CERS3: variants seen among roughly 807,000 people sequenced by gnomAD.
CERS3 encodes ceramide synthase 3.
A neutral mutation model predicts 50.3 loss-of-function variants in CERS3; 33 were observed. That is an observed-to-expected ratio of 0.66 (90% CI 0.50 to 0.88). The LOEUF (loss-of-function observed/expected upper bound fraction) is 0.88, where lower values mean the gene tolerates loss of function less well. CERS3 is among the 40% of genes least tolerant of loss of function. The pLI is 0.00. For synonymous variants in CERS3, 176 were observed against 155.2 expected, an observed-to-expected ratio of 1.13 and a Z score of -0.99; for missense variants, 470 against 460.3, an observed-to-expected ratio of 1.02 and a Z score of -0.19.
chr15:100,504,274 G>A (rs925584728), intron 2 of CERS3, among the ~76,000 whole-genome samples: 4 of 126,150 alleles, frequency 3.2e-5, no homozygotes, highest in East Asian at 2.2e-4. Context: ...ATGGAGTTTC[G>A]CTCCTGTTGC....
chr15:100,477,004 G>A (rs67396075), intron 7 of CERS3, among the ~76,000 whole-genome samples: 14,167 of 152,184 alleles, frequency 0.093, 898 homozygotes, highest in African/African-American at 0.19. Context: ...TATGAATGAC[G>A]TCACCATAGA....
intron 5 of CERS3, among the ~76,000 whole-genome samples, chr15:100,481,065 A>T (rs547073906): frequency 1.2e-4 from 19 of 152,222 alleles, no homozygotes; most frequent in Non-Finnish European, 2.4e-4. Context: ...ATGTTTTCTT[A>T]TCTTTGTGTA....
At chr15:100,486,258 C>T (rs2587770) in intron 4 of CERS3, among the ~76,000 whole-genome samples, 147,260 of 152,308 alleles carry the variant, frequency 0.97, 71,377 homozygotes, top group East Asian at 1. Flanking sequence ...GATTATCTTA[C>T]ATGTTCCCTT....
intron 5 of CERS3, among the ~76,000 whole-genome samples, chr15:100,483,787 A>ATTATTATTTTTTTTTTTTT (rs760594142): frequency 2.0e-5 from 2 of 100,038 alleles, no homozygotes; most frequent in African/African-American, 3.8e-5. Flanking sequence ...TATTATTATT[A>ATTATTATTTTTTTTTTTTT]TTTTTTTTTT....
intron 1 of CERS3, among the ~76,000 whole-genome samples, chr15:100,522,365 G>A (rs1209210733): frequency 6.6e-6 from 1 of 152,188 alleles, no homozygotes; most frequent in Non-Finnish European, 1.5e-5. Flanking sequence ...CTCTGAAGGT[G>A]CAGTCCTGGT....
At chr15:100,514,471 T>A (rs73475724) in intron 2 of CERS3, among the ~76,000 whole-genome samples, 2,512 of 152,296 alleles carry the variant, frequency 0.016, 76 homozygotes, top group African/African-American at 0.057. Flanking sequence ...CACTAAAATG[T>A]TCAAGTGTAC....
At chr15:100,466,799 C>T (rs375253961) in intron 10 of CERS3, among the ~76,000 whole-genome samples, 38 of 35,652 alleles carry the variant, frequency 1.1e-3, no homozygotes, top group African/African-American at 3.0e-3. Context: ...CTTCCTCCCT[C>T]CCTCCCTCCC....
At chr15:100,533,308 G>A (rs868098141), upstream of CERS3, among the ~76,000 whole-genome samples, 4 of 152,122 alleles carry the variant, frequency 2.6e-5, no homozygotes, top group South Asian at 2.1e-4. Flanking sequence ...TCAGGAGGAC[G>A]GAATTTTCGT....
At chr15:100,465,360 C>T (rs2034678309) in intron 10 of CERS3, among the ~76,000 whole-genome samples, 1 of 152,148 alleles carries the variant, frequency 6.6e-6, no homozygotes, top group African/African-American at 2.4e-5. Context: ...AAGTTTTAGA[C>T]AGAGGGTTGG....
intron 1 of CERS3, among the ~76,000 whole-genome samples, chr15:100,524,110 T>A (rs114059187): frequency 0.019 from 2,819 of 152,324 alleles, 92 homozygotes; most frequent in African/African-American, 0.064. Context: ...TAGTTGATTT[T>A]AATTTTCAGA....
chr15:100,469,646 T>C (rs2034900318), intron 9 of CERS3, among the ~76,000 whole-genome samples, 162 bp from the exon 10 acceptor site: 2 of 152,192 alleles, frequency 1.3e-5, no homozygotes, highest in Admixed American at 1.3e-4. Context: ...ACTGGCCATA[T>C]TGATAACTGC....
chr15:100,490,714 G>A (rs1222485603), intron 4 of CERS3, 103 bp downstream of exon 4: 2 of 710,380 alleles, frequency 2.8e-6, no homozygotes, highest in Non-Finnish European at 4.9e-6. Flanking sequence ...ATCATTTGCT[G>A]GTCAACTAGA....
intron 11 of CERS3, among the ~76,000 whole-genome samples, chr15:100,420,007 T>C (rs970384085): frequency 7.1e-6 from 1 of 141,368 alleles, no homozygotes; most frequent in African/African-American, 2.6e-5. Context: ...CACCCTAACA[T>C]CACAATTAAA....
rs370779485 is a variant in CERS3, at chr15:100,501,712, A to C, written c.138T>G (p.Ala46=). ...CACGTCTGATAATCAGCAAGAGAAA[A>C]GCATATGGAATTGTCACGTATAAAT... ...PSHLYVTIPY[A]FLLLIIRRVF... Residue 46 remains alanine (A), a synonymous_variant, in exon 3 of 12, where the codon GCT becomes GCG. Transcript: ENST00000679737. 1 of 1,613,948 alleles carries C rather than the reference A, an allele frequency of 6.2e-7. No homozygotes were observed.
upstream of CERS3, among the ~76,000 whole-genome samples, chr15:100,530,613 C>T (rs971721034): frequency 1.3e-5 from 2 of 152,204 alleles, no homozygotes; most frequent in African/African-American, 4.8e-5. Context: ...CCTCACTGGA[C>T]AAGCCTTAGA....
intron 1 of CERS3, among the ~76,000 whole-genome samples, chr15:100,537,964 T>A (rs1306313328): frequency 6.6e-6 from 1 of 152,174 alleles, no homozygotes. Context: ...GGTACAGGCA[T>A]TGGGTAAACA....
At chr15:100,503,591 G>C in intron 2 of CERS3, 1 of 420,832 alleles carries the variant, frequency 2.4e-6, no homozygotes, top group Non-Finnish European at 5.0e-6. Flanking sequence ...GTGTCTTTGT[G>C]CTGATTAGAG....
chr15:100,433,736 C>T (rs1416469216), intron 11 of CERS3, among the ~76,000 whole-genome samples: 1 of 152,268 alleles, frequency 6.6e-6, no homozygotes, highest in African/African-American at 2.4e-5. Context: ...CACACACACA[C>T]ACCTATACAT....
intron 11 of CERS3, among the ~76,000 whole-genome samples, chr15:100,427,557 C>T (rs1031782706): frequency 3.3e-5 from 5 of 152,180 alleles, no homozygotes; most frequent in Non-Finnish European, 7.3e-5. Flanking sequence ...CTGAAGCTAC[C>T]AGAGCCCCAG....
Sources: gnomAD v4.1 joint callset for allele counts (sites outside exome capture counted in the v4.1 genomes callset) on GRCh38, gnomAD v4.1.1 for gene constraint, MANE v1.5 for transcripts, NCBI Gene and HGNC (gene_info 2026-07-23, HGNC 2026-07-21) for gene names.